Variants in CUTC observed in about 807,000 individuals in gnomAD.
CUTC encodes the protein copper homeostasis protein cutC homolog.
In CUTC, 27 loss-of-function variants were observed where a neutral mutation model predicts 36.2. The observed-to-expected ratio is 0.75, with a 90% confidence interval of 0.55 to 1.03. The LOEUF (loss-of-function observed/expected upper bound fraction) is 1.03, where lower values mean the gene tolerates loss of function less well. CUTC is among the 50% of genes least tolerant of loss of function. The pLI is 0.00. For synonymous variants in CUTC, 114 were observed against 118.3 expected (o/e 0.96, Z 0.24); for missense variants, 315 against 343.5 (o/e 0.92, Z 0.66).
intron 1 of CUTC, among the ~76,000 whole-genome samples, chr10:99,733,359 A>G (rs1037545142): frequency 6.6e-6 from 1 of 152,196 alleles, no homozygotes; most frequent in African/African-American, 2.4e-5. Context: ...TGATTAGAAA[A>G]TAACCATAGT....
chr10:99,744,070 G>A lies in CUTC; in HGVS notation c.437G>A (p.Arg146Gln), dbSNP rs771469156. 15 of 1,611,114 alleles carry A rather than the reference G, an allele frequency of 9.3e-6. No individual in the cohort carries two copies. Among genetic ancestry groups the A allele is most frequent in the Non-Finnish European group, 1.2e-5 (14 of 1,178,916 alleles). ...ICRPLPVTFH[R>Q]AFDMVHDPMA... ...CGCCCTCTGCCAGTCACTTTCCACC[G>A]AGGTGAGTCATTTTCATTTTAAAAG... The change falls in exon 5 of 9, where the codon CGA becomes CAA. Residue 146 changes from arginine (R) to glutamine (Q), a missense_variant and splice_region_variant. By Grantham distance (43) the Arg-to-Gln change is conservative. Coordinates refer to ENST00000370476, the MANE Select transcript of CUTC (RefSeq NM_015960.3).
At chr10:99,749,286 A>C (rs1160911860) in intron 6 of CUTC, among the ~76,000 whole-genome samples, 1 of 152,196 alleles carries the variant, frequency 6.6e-6, no homozygotes, top group African/African-American at 2.4e-5. Flanking sequence ...CCATGGATAC[A>C]TTACCTAGCC....
rs764308496 is a variant in CUTC, at chr10:99,743,153, G to A, written c.194G>A (p.Gly65Asp). 1.1e-5 allele frequency: 18 copies of A among 1,613,620 alleles called. No individual in the cohort carries two copies. The highest frequency in any genetic ancestry group is 1.1e-4 in the South Asian group (10 of 91,068). Residue 65 changes from glycine (G) to aspartate (D), a missense_variant and splice_region_variant, in exon 4 of 9, where the codon GGT becomes GAT. By Grantham distance (94) the Gly-to-Asp change is moderately conservative (BLOSUM62 -1). Transcript: ENST00000370476. ...TTTAATCTGCTTTCTTTTCTTGTAGGTGTCCTTCAAGTAGTGAAGCAGAGT... is the reference window on the plus strand; with the variant it reads ...TTTAATCTGCTTTCTTTTCTTGTAGATGTCCTTCAAGTAGTGAAGCAGAGT... ...LSEGGTTPSMGVLQVVKQSVQ... is the reference protein window; with the variant it reads ...LSEGGTTPSMDVLQVVKQSVQ...
chr10:99,754,185 G>A (rs1411527374), intron 7 of CUTC, among the ~76,000 whole-genome samples: 1 of 152,142 alleles, frequency 6.6e-6, no homozygotes, highest in African/African-American at 2.4e-5. Context: ...CTGAGGTTGT[G>A]CTTTTGTAGA....
chr10:99,736,613 C>T (rs1213222628), intron 2 of CUTC, among the ~76,000 whole-genome samples: 1 of 152,132 alleles, frequency 6.6e-6, no homozygotes, highest in Non-Finnish European at 1.5e-5. Context: ...ACTTCAGAGA[C>T]TTCATCATGA....
Position 99,750,359 on chromosome 10 carries a change from CT to C in CUTC, c.574-4del. The C allele has an allele frequency of 6.6e-7, 1 of 1,514,098 alleles. No homozygotes were observed. The highest frequency in any genetic ancestry group is 8.8e-7 in the Non-Finnish European group (1 of 1,131,398). The allele number at this position is 1,514,098 out of a possible 1,614,324, so 93.8% of individuals were successfully genotyped here. On this transcript the variant is annotated splice_polypyrimidine_tract_variant and intron_variant, in intron 6 of 8. Transcript: ENST00000370476. ...TTAAAATTCACTTGTTTTTTTTTTTCTTTTTTCAGGCAAAAGGCAGGATTGT... is the reference window on the plus strand; with the variant it reads ...TTAAAATTCACTTGTTTTTTTTTTTCTTTTTCAGGCAAAAGGCAGGATTGT...
At chr10:99,739,598 T>G in intron 2 of CUTC, 112 bp from the exon 3 acceptor site, 3 of 924,160 alleles carry the variant, frequency 3.2e-6, no homozygotes, top group Non-Finnish European at 5.0e-6. Context: ...TTGATTTCTC[T>G]GAGATGATTT....
At chr10:99,741,533 C>CT (rs2133668574) in intron 3 of CUTC, among the ~76,000 whole-genome samples, 1 of 151,972 alleles carries the variant, frequency 6.6e-6, no homozygotes, top group South Asian at 2.1e-4. Flanking sequence ...CCTTTCTTTT[C>CT]TTTCCTTCTC....
intron 2 of CUTC, among the ~76,000 whole-genome samples, chr10:99,737,067 C>T (rs931155323): frequency 2.0e-5 from 3 of 151,976 alleles, no homozygotes; most frequent in Admixed American, 1.3e-4. Context: ...CTCATGAGTT[C>T]GACACCAGCC....
intron 3 of CUTC, among the ~76,000 whole-genome samples, chr10:99,741,763 A>T (rs1019671739): frequency 3.3e-5 from 5 of 152,046 alleles, no homozygotes. Flanking sequence ...GTAGAGATGG[A>T]GTCTCACCAT....
chr10:99,755,728 A>C lies in CUTC; in HGVS notation c.811A>C (p.Ile271Leu). 6.2e-7 allele frequency: 1 copy of C among 1,607,390 alleles called. No individual in the cohort carries two copies. The highest frequency in any genetic ancestry group is 8.5e-7 in the Non-Finnish European group (1 of 1,173,952). ...GACTTTGAATGCTATCGCAAAGAAC[A>C]TCCTGGTGTAGCCAGACCTCTCTGA... ...VRTLNAIAKN[I>L]LV Residue 271 changes from isoleucine (I) to leucine (L), a missense_variant, in exon 9 of 9, where the codon ATC (isoleucine) becomes CTC (leucine). By Grantham distance (5) the Ile-to-Leu change is conservative. Coordinates refer to ENST00000370476, the MANE Select transcript of CUTC (RefSeq NM_015960.3).
At chr10:99,738,677 G>C (rs1206796148) in intron 2 of CUTC, among the ~76,000 whole-genome samples, 2 of 152,036 alleles carry the variant, frequency 1.3e-5, no homozygotes, top group Admixed American at 1.3e-4. Context: ...TAGCCCAGAG[G>C]CCTAATCAGA....
chr10:99,749,306 C>T (rs1293054064), intron 6 of CUTC, among the ~76,000 whole-genome samples: 1 of 152,156 alleles, frequency 6.6e-6, no homozygotes, highest in Admixed American at 6.5e-5. Context: ...CATCCTAAAC[C>T]TCAGCTTTGC....
chr10:99,743,340 A>T lies in CUTC; in HGVS notation c.381A>T (p.Lys127Asn). 6.2e-7 allele frequency: 1 copy of T among 1,614,156 alleles called. No individual in the cohort carries two copies. Among genetic ancestry groups the T allele is most frequent in the Non-Finnish European group, 8.5e-7 (1 of 1,180,004 alleles). Residue 127 changes from lysine (K) to asparagine (N), a missense_variant, in exon 4 of 9, where the codon AAA (lysine) becomes AAT (asparagine). Transcript: ENST00000370476. ...GALTEDGHID[K>N]ELCMSLMAIC... ...TGACTGAAGATGGACACATTGACAA[A>T]GAGCTGTGTATGTCCCTTATGGGTA...
At chr10:99,749,233 A>G (rs2037400055) in intron 6 of CUTC, among the ~76,000 whole-genome samples, 1 of 152,172 alleles carries the variant, frequency 6.6e-6, no homozygotes, top group Non-Finnish European at 1.5e-5. Context: ...GTGATTGGAC[A>G]GGTCTGTGTT....
chr10:99,749,635 A>G (rs772599195), intron 6 of CUTC, among the ~76,000 whole-genome samples: 4 of 152,080 alleles, frequency 2.6e-5, no homozygotes, highest in Non-Finnish European at 4.4e-5. Flanking sequence ...TAGATAGTCA[A>G]TGTTTTGTTT....
intron 1 of CUTC, among the ~76,000 whole-genome samples, chr10:99,734,802 A>AT (rs2037281378): frequency 6.6e-6 from 1 of 152,124 alleles, no homozygotes; most frequent in African/African-American, 2.4e-5. Context: ...GATTTCTCAC[A>AT]TAAAGACCTT....
chr10:99,745,897 G>A (rs1469742035), intron 5 of CUTC, among the ~76,000 whole-genome samples: 2 of 152,194 alleles, frequency 1.3e-5, no homozygotes, highest in Admixed American at 6.5e-5. Context: ...ACTTCATATA[G>A]TCTGTTGAAA....
chr10:99,754,291 A>G (rs1169748186), intron 7 of CUTC, among the ~76,000 whole-genome samples: 1 of 152,162 alleles, frequency 6.6e-6, no homozygotes, highest in African/African-American at 2.4e-5. Context: ...TAGCCAATGG[A>G]CAGATAAGAT....
Sources: allele counts gnomAD v4.1 joint callset (sites outside exome capture counted in the v4.1 genomes callset), GRCh38; gene constraint gnomAD v4.1.1; transcripts MANE v1.5; gene names NCBI Gene and HGNC (gene_info 2026-07-23, HGNC 2026-07-21).